Variants in SYCP1 observed in about 807,000 individuals in gnomAD.
SYCP1 encodes the protein synaptonemal complex protein 1.
In SYCP1, 64 loss-of-function variants were observed where a neutral mutation model predicts 153.1. The observed-to-expected ratio is 0.42, with a 90% CI of 0.34 to 0.51. The LOEUF is 0.51. Ranked by LOEUF, SYCP1 falls within the 20% of genes least tolerant of loss-of-function variation. The pLI, the probability that SYCP1 is intolerant of heterozygous loss-of-function variation, is 0.06. For synonymous variants in SYCP1, 384 were observed against 341.8 expected, an observed-to-expected ratio of 1.12 and a Z score of -1.36; for missense variants, 997 against 1,049.0, an observed-to-expected ratio of 0.95 and a Z score of 0.68.
intron 14 of SYCP1, 147 bp downstream of exon 14, chr1:114,886,456 A>T: frequency 1.6e-6 from 1 of 617,644 alleles, no homozygotes. Context: ...AAGTGGGAAT[A>T]CATTTTAAAA....
rs1186538929 is a variant in SYCP1 at position 114,965,871 on chromosome 1, AGGC to A, written c.2323-11685_2323-11683del. ...TGATGCTGGCCTCATAAACTGAGTT[AGGC>A]AGGAGTCCCTCTTTTTCTTTTTGGA... On this transcript the variant is annotated intron_variant, in intron 27 of 31. Coordinates refer to ENST00000369522, the MANE Select transcript of SYCP1 (RefSeq NM_003176.4). 5.3e-5 allele frequency among the ~76,000 whole-genome samples: 8 copies of A among 152,310 alleles called. No individual in the cohort carries two copies. In the East Asian group the frequency reaches 1.5e-3, roughly 29 times the overall value.
intron 20 of SYCP1, among the ~76,000 whole-genome samples, chr1:114,917,453 A>T (rs1455220950): frequency 6.6e-6 from 1 of 152,156 alleles, no homozygotes; most frequent in African/African-American, 2.4e-5. Flanking sequence ...CAATTAACAG[A>T]GTGCAAATGT....
intron 23 of SYCP1, among the ~76,000 whole-genome samples, chr1:114,942,723 A>G (rs1670462390): frequency 6.6e-6 from 1 of 151,966 alleles, no homozygotes; most frequent in Non-Finnish European, 1.5e-5. Context: ...GCTTCAAAAC[A>G]TTTGAAGAAG....
At chr1:114,940,650 G>A (rs1355458108) in intron 23 of SYCP1, among the ~76,000 whole-genome samples, 1 of 152,088 alleles carries the variant, frequency 6.6e-6, no homozygotes, top group Non-Finnish European at 1.5e-5. Flanking sequence ...TATGACTTTA[G>A]TACTTTGAAA....
At chr1:114,924,134 T>C (rs949752232) in intron 21 of SYCP1, among the ~76,000 whole-genome samples, 2 of 152,190 alleles carry the variant, frequency 1.3e-5, no homozygotes, top group African/African-American at 4.8e-5. Flanking sequence ...AGTGATCTAA[T>C]TAAAGTTTTT....
At chr1:114,862,258 G>A (rs1184968446) in intron 8 of SYCP1, among the ~76,000 whole-genome samples, 1 of 152,016 alleles carries the variant, frequency 6.6e-6, no homozygotes, top group Non-Finnish European at 1.5e-5. Flanking sequence ...GTGGTGAAAA[G>A]TACAGTGATA....
chr1:114,967,656 T>C (rs1271216241), intron 27 of SYCP1, among the ~76,000 whole-genome samples: 2 of 152,234 alleles, frequency 1.3e-5, no homozygotes, highest in Non-Finnish European at 2.9e-5. Flanking sequence ...CTGTGTCTTT[T>C]AATTGGGGCA....
At chr1:114,856,936 A>AAAAAAAAAAAAAAAAAG (rs1663997144) in intron 3 of SYCP1, among the ~76,000 whole-genome samples, 1 of 146,948 alleles carries the variant, frequency 6.8e-6, no homozygotes, top group Non-Finnish European at 1.5e-5. Flanking sequence ...AAAAAAAAAA[A>AAAAAAAAAAAAAAAAAG]AAAAAAAAAC....
intron 9 of SYCP1, 141 bp from the exon 10 acceptor site, chr1:114,875,928 C>A: frequency 1.9e-6 from 1 of 527,088 alleles, no homozygotes; most frequent in Non-Finnish European, 3.3e-6. Context: ...GTAAGTAATT[C>A]AAATTACAGT....
intron 27 of SYCP1, among the ~76,000 whole-genome samples, chr1:114,957,111 A>G (rs1249231613): frequency 6.6e-6 from 1 of 152,054 alleles, no homozygotes; most frequent in East Asian, 1.9e-4. Context: ...CTTGCCCAGG[A>G]TGAAGTGCAA....
At chr1:114,865,887 A>G (rs1664710363) in intron 8 of SYCP1, among the ~76,000 whole-genome samples, 1 of 152,188 alleles carries the variant, frequency 6.6e-6, no homozygotes, top group Non-Finnish European at 1.5e-5. Context: ...AACTGTCTCC[A>G]TAATTTTGCC....
chr1:114,956,961 T>G (rs1369733643), intron 27 of SYCP1, among the ~76,000 whole-genome samples: 1 of 152,128 alleles, frequency 6.6e-6, no homozygotes, highest in Non-Finnish European at 1.5e-5. Context: ...AAATATAACC[T>G]CACCAAACAG....
intron 27 of SYCP1, among the ~76,000 whole-genome samples, chr1:114,953,740 T>G (rs1243741576): frequency 6.6e-6 from 1 of 152,218 alleles, no homozygotes; most frequent in African/African-American, 2.4e-5. Context: ...TCCTACTTTA[T>G]TTTTCTCTGT....
intron 8 of SYCP1, among the ~76,000 whole-genome samples, chr1:114,869,872 C>A (rs1664996940): frequency 6.6e-6 from 1 of 152,172 alleles, no homozygotes; most frequent in Admixed American, 6.5e-5. Context: ...AAATCTTCAA[C>A]TATAATAGTG....
intron 20 of SYCP1, among the ~76,000 whole-genome samples, chr1:114,922,772 A>C (rs1021055004): frequency 3.9e-5 from 6 of 152,160 alleles, no homozygotes; most frequent in African/African-American, 1.4e-4. Context: ...AGTCCCCCAG[A>C]GTCTAACTCA....
intron 8 of SYCP1, among the ~76,000 whole-genome samples, chr1:114,872,273 G>T (rs1323509954): frequency 2.6e-5 from 4 of 152,102 alleles, no homozygotes; most frequent in African/African-American, 9.7e-5. Flanking sequence ...TTTTGTCAAA[G>T]AAAGTATTTA....
intron 16 of SYCP1, among the ~76,000 whole-genome samples, chr1:114,908,577 C>T (rs1312184460): frequency 2.0e-5 from 3 of 152,216 alleles, no homozygotes; most frequent in Non-Finnish European, 2.9e-5. Context: ...TTCAGACTAT[C>T]GATTCTGTTG....
At chr1:114,902,316 CA>C (rs1408020093) in intron 16 of SYCP1, among the ~76,000 whole-genome samples, 2 of 152,128 alleles carry the variant, frequency 1.3e-5, no homozygotes, top group East Asian at 3.9e-4. Context: ...GCATTTCACT[CA>C]CCCTTTCTCA....
chr1:114,954,571 ATTTATTTATTT>A (rs1271284314), intron 27 of SYCP1, among the ~76,000 whole-genome samples: 2 of 150,006 alleles, frequency 1.3e-5, no homozygotes, highest in African/African-American at 4.9e-5. Flanking sequence ...TTATTTATTT[ATTTATTTATTT>A]TTTATTTATT....
Sources: allele counts gnomAD v4.1 joint callset (sites outside exome capture counted in the v4.1 genomes callset), GRCh38; gene constraint gnomAD v4.1.1; transcripts MANE v1.5; gene names NCBI Gene and HGNC (gene_info 2026-07-23, HGNC 2026-07-21).